The following EXOC6 variants were observed in gnomAD, a reference collection of about 807,000 sequenced individuals.
The protein encoded by EXOC6 is exocyst complex component 6.
A neutral mutation model predicts 112.5 loss-of-function variants in EXOC6; 60 were observed. That is an observed-to-expected ratio of 0.53 (90% CI 0.43 to 0.66). EXOC6 has a LOEUF of 0.66. EXOC6 is among the 30% of genes least tolerant of loss of function. EXOC6 has a pLI of 0.00. For missense variants in EXOC6, 855 were observed against 957.1 expected (o/e 0.89, Z 1.41); for synonymous variants, 295 against 308.0 (o/e 0.96, Z 0.44).
intron 20 of EXOC6, among the ~76,000 whole-genome samples, chr10:93,024,937 G>C (rs1844960895): frequency 6.6e-6 from 1 of 151,890 alleles, no homozygotes; most frequent in African/African-American, 2.4e-5. Flanking sequence ...CGACCGCAGG[G>C]ATCAACATAT....
At chr10:93,048,995 T>C (rs1174118763) in intron 20 of EXOC6, among the ~76,000 whole-genome samples, 3 of 152,066 alleles carry the variant, frequency 2.0e-5, no homozygotes, top group African/African-American at 7.2e-5. Flanking sequence ...TACTCCTAGA[T>C]ATATACCCAA....
At chr10:93,051,152 T>G (rs1442261821) in intron 20 of EXOC6, among the ~76,000 whole-genome samples, 4 of 152,100 alleles carry the variant, frequency 2.6e-5, no homozygotes, top group African/African-American at 9.7e-5. Context: ...TTCCTCTTTT[T>G]TTTTTTTCAA....
chr10:92,951,315 GT>G (rs1853400005), intron 14 of EXOC6, among the ~76,000 whole-genome samples: 1 of 152,150 alleles, frequency 6.6e-6, no homozygotes, highest in Non-Finnish European at 1.5e-5. Flanking sequence ...GAAAGAGAGG[GT>G]TTAGGACAGA....
At chr10:92,932,397 A>G (rs778500454) in intron 9 of EXOC6, among the ~76,000 whole-genome samples, 2 of 152,142 alleles carry the variant, frequency 1.3e-5, no homozygotes, top group Non-Finnish European at 2.9e-5. Context: ...TACATTTGTC[A>G]AAACTCAGTG....
At chr10:92,972,512 G>C (rs1187352706) in intron 17 of EXOC6, among the ~76,000 whole-genome samples, 1 of 151,970 alleles carries the variant, frequency 6.6e-6, no homozygotes, top group Non-Finnish European at 1.5e-5. Context: ...ATTTTTTTTG[G>C]AACTGTGGTG....
At chr10:92,862,166 C>T (rs966793781) in intron 1 of EXOC6, among the ~76,000 whole-genome samples, 2 of 152,104 alleles carry the variant, frequency 1.3e-5, no homozygotes, top group African/African-American at 4.8e-5. Flanking sequence ...CTCTTCTAGC[C>T]CCTGGCAACC....
intron 4 of EXOC6, among the ~76,000 whole-genome samples, chr10:92,896,071 G>GTT (rs1564809481): frequency 1.6e-5 from 1 of 62,652 alleles, no homozygotes; most frequent in Admixed American, 1.7e-4. Flanking sequence ...ATATATATGT[G>GTT]TATATATATG....
chr10:93,032,181 C>CA (rs1845307820), intron 20 of EXOC6, among the ~76,000 whole-genome samples: 2 of 151,928 alleles, frequency 1.3e-5, no homozygotes, highest in South Asian at 2.1e-4. Context: ...GAGGCTGAGG[C>CA]AAAAAATCAG....
At chr10:92,879,007 T>C (rs1336741883) in intron 1 of EXOC6, among the ~76,000 whole-genome samples, 1 of 152,230 alleles carries the variant, frequency 6.6e-6, no homozygotes, top group African/African-American at 2.4e-5. Context: ...TATTTGCAGA[T>C]GGCTTTCATT....
At chr10:92,974,442 C>T (rs550450349) in intron 18 of EXOC6, among the ~76,000 whole-genome samples, 4 of 149,824 alleles carry the variant, frequency 2.7e-5, no homozygotes, top group Non-Finnish European at 5.9e-5. Context: ...CTGTAACTCT[C>T]TTTCCACCAA....
chr10:92,917,373 A>T, intron 7 of EXOC6, among the ~76,000 whole-genome samples: 1 of 151,968 alleles, frequency 6.6e-6, no homozygotes, highest in Non-Finnish European at 1.5e-5. Flanking sequence ...CTATTTAAAA[A>T]ATTGGTGCTG....
chr10:92,933,716 G>C (rs1022863187), intron 9 of EXOC6, among the ~76,000 whole-genome samples: 7 of 152,064 alleles, frequency 4.6e-5, no homozygotes, highest in Admixed American at 4.6e-4. Flanking sequence ...AACCATAAAA[G>C]GTTTTGGCAG....
intron 14 of EXOC6, among the ~76,000 whole-genome samples, chr10:92,950,213 T>TTG (rs1041543867): frequency 6.6e-6 from 1 of 152,174 alleles, no homozygotes; most frequent in African/African-American, 2.4e-5. Flanking sequence ...AGTCTTTTGG[T>TTG]TGTGTGTGTA....
chr10:92,841,166 G>A (rs972349574), intron 1 of EXOC6, among the ~76,000 whole-genome samples: 4 of 152,016 alleles, frequency 2.6e-5, no homozygotes, highest in African/African-American at 4.8e-5. Flanking sequence ...TATTTCTCCC[G>A]TCCAGCTGAA....
Position 92,893,531 on chromosome 10 carries a change from T to C in EXOC6, c.273+11T>C, listed in dbSNP as rs752501853. ...GCAGAAAAACTGAAGGTAAGAAATA[T>C]GTTAAAATTATTTGCCTTTGTTCTC... On this transcript the variant is annotated intron_variant, in intron 2 of 21. Transcript: ENST00000260762. The C allele has an allele frequency of 3.8e-6, 6 of 1,591,958 alleles. No individual in the cohort carries two copies. The South Asian group carries it at 5.7e-5, about 15-fold the overall frequency.
chr10:93,029,106 G>T (rs1057213406), intron 20 of EXOC6, among the ~76,000 whole-genome samples: 9 of 152,150 alleles, frequency 5.9e-5, no homozygotes, highest in Non-Finnish European at 1.3e-4. Context: ...CATCCACACT[G>T]AGGCAAGAGT....
intron 1 of EXOC6, among the ~76,000 whole-genome samples, chr10:92,874,474 C>T (rs1393016440): frequency 6.6e-6 from 1 of 152,000 alleles, no homozygotes; most frequent in East Asian, 1.9e-4. Flanking sequence ...TGTGGTATTC[C>T]CATAACTTAT....
intron 1 of EXOC6, among the ~76,000 whole-genome samples, chr10:92,869,088 T>A (rs747512336): frequency 1.1e-4 from 17 of 152,300 alleles, no homozygotes; most frequent in Non-Finnish European, 2.4e-4. Context: ...TTGAATTTTG[T>A]CAGATGTTTT....
chr10:92,846,205 G>T (rs1847048882), upstream of EXOC6, among the ~76,000 whole-genome samples: 2 of 152,250 alleles, frequency 1.3e-5, no homozygotes, highest in African/African-American at 2.4e-5. Flanking sequence ...CCTAAGCAGG[G>T]CTGGTTTCCC....
Sources: gnomAD v4.1 joint callset for allele counts (sites outside exome capture counted in the v4.1 genomes callset) on GRCh38, gnomAD v4.1.1 for gene constraint, MANE v1.5 for transcripts, NCBI Gene and HGNC (gene_info 2026-07-23, HGNC 2026-07-21) for gene names.